The following GRIN2A variants were observed in gnomAD, a reference collection of about 807,000 sequenced individuals.
GRIN2A encodes glutamate ionotropic receptor NMDA type subunit 2A.
A neutral mutation model predicts 113.4 loss-of-function variants in GRIN2A; 22 were observed. The ratio of observed to expected loss-of-function variants is 0.19; its 90% CI spans 0.14 to 0.28. The LOEUF is 0.28. GRIN2A is among the 10% of genes least tolerant of loss of function. GRIN2A has a pLI of 1.00. For missense variants in GRIN2A, 1,502 were observed against 1,887.0 expected, an observed-to-expected ratio of 0.80 and a Z score of 3.78; for synonymous variants, 827 against 738.4, an observed-to-expected ratio of 1.12 and a Z score of -1.94.
At chr16:10,002,188 G>A (rs1412357140) in intron 2 of GRIN2A, among the ~76,000 whole-genome samples, 1 of 152,136 alleles carries the variant, frequency 6.6e-6, no homozygotes, top group Non-Finnish European at 1.5e-5. Flanking sequence ...GATAAAACAA[G>A]GTACAAGATG....
intron 2 of GRIN2A, among the ~76,000 whole-genome samples, chr16:10,055,909 T>A (rs763415942): frequency 2.0e-5 from 3 of 152,210 alleles, no homozygotes; most frequent in Non-Finnish European, 4.4e-5. Flanking sequence ...TGTCACTCCC[T>A]AAACAGCAGG....
At chr16:10,133,809 T>A (rs781109028) in intron 2 of GRIN2A, among the ~76,000 whole-genome samples, 1 of 152,030 alleles carries the variant, frequency 6.6e-6, no homozygotes, top group Non-Finnish European at 1.5e-5. Context: ...AGGCATGGGA[T>A]ATCAGTTACA....
intron 2 of GRIN2A, among the ~76,000 whole-genome samples, chr16:9,959,406 T>A (rs1334596592): frequency 1.3e-5 from 2 of 152,242 alleles, no homozygotes; most frequent in Admixed American, 6.5e-5. Context: ...TAGGAGCTCA[T>A]AATAGGCTTG....
At chr16:10,128,603 G>A (rs759902431) in intron 2 of GRIN2A, among the ~76,000 whole-genome samples, 4 of 152,326 alleles carry the variant, frequency 2.6e-5, no homozygotes, top group African/African-American at 9.6e-5. Flanking sequence ...CTCCAGGCAA[G>A]AGCATGAATC....
At chr16:9,926,035 G>A (rs2044457224) in intron 3 of GRIN2A, among the ~76,000 whole-genome samples, 1 of 152,136 alleles carries the variant, frequency 6.6e-6, no homozygotes, top group Non-Finnish European at 1.5e-5. Context: ...CTTGACAAAT[G>A]TCATAACGCC....
chr16:9,944,283 A>C (rs545835059), intron 2 of GRIN2A, among the ~76,000 whole-genome samples: 107 of 152,236 alleles, frequency 7.0e-4, no homozygotes, highest in Middle Eastern at 6.8e-3. Flanking sequence ...ATTTTATTTC[A>C]ATTTCCAGGG....
chr16:9,951,676 G>A (rs184894996), intron 2 of GRIN2A, among the ~76,000 whole-genome samples: 1 of 152,144 alleles, frequency 6.6e-6, no homozygotes, highest in Non-Finnish European at 1.5e-5. Context: ...AGAAAAAAAT[G>A]ATGGTTTGTT....
At chr16:10,156,139 C>T (rs1224495740) in intron 2 of GRIN2A, among the ~76,000 whole-genome samples, 1 of 152,232 alleles carries the variant, frequency 6.6e-6, no homozygotes, top group African/African-American at 2.4e-5. Flanking sequence ...GCATACCTGA[C>T]TTCTTTCTCC....
intron 3 of GRIN2A, among the ~76,000 whole-genome samples, chr16:9,923,825 G>T (rs904778148): frequency 6.6e-6 from 1 of 151,712 alleles, no homozygotes; most frequent in African/African-American, 2.4e-5. Flanking sequence ...TGATTTCATT[G>T]TTTAAAAATC....
At chr16:9,773,553 G>C (rs1482876198) in intron 11 of GRIN2A, among the ~76,000 whole-genome samples, 1 of 152,136 alleles carries the variant, frequency 6.6e-6, no homozygotes, top group African/African-American at 2.4e-5. Flanking sequence ...TGCTCTCTTG[G>C]GAACAGATGG....
At chr16:9,898,920 C>T (rs1295430876) in intron 3 of GRIN2A, among the ~76,000 whole-genome samples, 1 of 151,750 alleles carries the variant, frequency 6.6e-6, no homozygotes, top group African/African-American at 2.4e-5. Context: ...CAAATGAATC[C>T]TCATCCCTCT....
chr16:9,853,913 T>C (rs1038557116), intron 4 of GRIN2A, among the ~76,000 whole-genome samples: 1 of 152,226 alleles, frequency 6.6e-6, no homozygotes, highest in African/African-American at 2.4e-5. Flanking sequence ...AAATCCTTAA[T>C]TTGATTTAAA....
intron 2 of GRIN2A, among the ~76,000 whole-genome samples, chr16:9,996,405 G>C (rs983082210): frequency 6.6e-6 from 1 of 152,164 alleles, no homozygotes; most frequent in Non-Finnish European, 1.5e-5. Context: ...TCAGACTCAG[G>C]CACGCATGAA....
At chr16:9,786,463 C>G (rs1902237230) in intron 11 of GRIN2A, among the ~76,000 whole-genome samples, 1 of 152,072 alleles carries the variant, frequency 6.6e-6, no homozygotes, top group African/African-American at 2.4e-5. Context: ...GTCATTTTCT[C>G]TCCCACCCTA....
chr16:9,872,672 A>G (rs2043289056), intron 4 of GRIN2A, among the ~76,000 whole-genome samples: 1 of 152,198 alleles, frequency 6.6e-6, no homozygotes, highest in Non-Finnish European at 1.5e-5. Context: ...CGTCTTTTGC[A>G]GCAACATGGA....
Position 9,878,021 on chromosome 16 carries a change from C to T in GRIN2A, c.1122+12965G>A, listed in dbSNP as rs535390664. On this transcript the variant is annotated intron_variant, in intron 4 of 12. Transcript: ENST00000330684. Reference sequence around the variant, plus strand: ...TAGAAATACTTCTGACTGAGAGGCTCTTTGAATAATTTACTCATCTGAGAT... The same window carrying T: ...TAGAAATACTTCTGACTGAGAGGCTTTTTGAATAATTTACTCATCTGAGAT... 1.4e-4 allele frequency among the ~76,000 whole-genome samples: 22 copies of T among 151,912 alleles called. No homozygotes were observed. In the South Asian group the frequency reaches 4.2e-3, roughly 29 times the overall value.
chr16:10,174,579 G>T (rs1370730803), intron 2 of GRIN2A, among the ~76,000 whole-genome samples: 1 of 152,110 alleles, frequency 6.6e-6, no homozygotes, highest in Admixed American at 6.5e-5. Flanking sequence ...AGGGGAGGGA[G>T]TTACATGCAC....
intron 2 of GRIN2A, among the ~76,000 whole-genome samples, chr16:9,977,623 C>G (rs1466147229): frequency 6.6e-6 from 1 of 152,164 alleles, no homozygotes; most frequent in Non-Finnish European, 1.5e-5. Context: ...TCATTAACCA[C>G]AGCACACGTT....
At chr16:10,031,741 G>T (rs1265161043) in intron 2 of GRIN2A, among the ~76,000 whole-genome samples, 2 of 152,204 alleles carry the variant, frequency 1.3e-5, no homozygotes, top group East Asian at 3.9e-4. Context: ...ATCTTTAGTG[G>T]TTTCTTTCTG....
Sources: gnomAD v4.1 joint callset for allele counts (sites outside exome capture counted in the v4.1 genomes callset) on GRCh38, gnomAD v4.1.1 for gene constraint, MANE v1.5 for transcripts, NCBI Gene and HGNC (gene_info 2026-07-23, HGNC 2026-07-21) for gene names.